EPHA7: variants seen among roughly 807,000 people sequenced by gnomAD.
EPHA7 encodes the protein EPH receptor A7, also known as ephrin type-A receptor 7.
In EPHA7, 25 loss-of-function variants were observed where a neutral mutation model predicts 112.6. The ratio of observed to expected loss-of-function variants is 0.22; its 90% CI spans 0.16 to 0.31. The LOEUF (loss-of-function observed/expected upper bound fraction) is 0.31, where lower values mean the gene tolerates loss of function less well. Ranked by LOEUF, EPHA7 falls within the 10% of genes least tolerant of loss-of-function variation. The pLI is 1.00. For synonymous variants in EPHA7, 437 were observed against 406.5 expected, an observed-to-expected ratio of 1.07 and a Z score of -0.90; for missense variants, 962 against 1,212.6, an observed-to-expected ratio of 0.79 and a Z score of 3.07.
At position 93,419,549 on chromosome 6, in the gene EPHA7, G is replaced by C. The variant is rs1399807613; in HGVS notation, c.-208C>G. The C allele has an allele frequency of 2.0e-6, 1 of 502,790 alleles. No individual in the cohort carries two copies. Among genetic ancestry groups the C allele is most frequent in the Admixed American group, 3.9e-5 (1 of 25,800 alleles). The allele number at this position is 502,790 out of a possible 1,614,324, so 31.1% of individuals were successfully genotyped here. On this transcript the variant is annotated 5_prime_UTR_variant, in exon 1 of 17. Coordinates refer to ENST00000369303, the MANE Select transcript of EPHA7 (RefSeq NM_004440.4). ...CCGTGTTTGCTGCCTGCAAGTCTCC[G>C]ACTGCAGACCGGCCGCTTGCTCCAC...
intron 3 of EPHA7, among the ~76,000 whole-genome samples, chr6:93,374,720 C>T (rs1350258497): frequency 6.6e-6 from 1 of 152,176 alleles, no homozygotes; most frequent in African/African-American, 2.4e-5. Context: ...AGTTCAAGTG[C>T]TAGAACCATC....
chr6:93,285,394 T>C (rs1488818693), intron 5 of EPHA7, among the ~76,000 whole-genome samples: 2 of 152,202 alleles, frequency 1.3e-5, no homozygotes, highest in Non-Finnish European at 2.9e-5. Context: ...CTCCAAAAGT[T>C]AATTTGTAAT....
chr6:93,376,031 G>C (rs1454345128), intron 3 of EPHA7, among the ~76,000 whole-genome samples: 2 of 152,130 alleles, frequency 1.3e-5, no homozygotes, highest in Non-Finnish European at 2.9e-5. Flanking sequence ...GGTGGGGGTT[G>C]GTCATCTCAT....
chr6:93,309,595 T>A (rs927293118), intron 5 of EPHA7, among the ~76,000 whole-genome samples: 1 of 152,158 alleles, frequency 6.6e-6, no homozygotes, highest in African/African-American at 2.4e-5. Context: ...ACATATGCTA[T>A]TGAAATAAAT....
intron 7 of EPHA7, among the ~76,000 whole-genome samples, chr6:93,269,091 A>C (rs1291005388): frequency 6.6e-6 from 1 of 151,766 alleles, no homozygotes; most frequent in Non-Finnish European, 1.5e-5. Context: ...CTCACTACAC[A>C]TTCTGGCTTC....
At chr6:93,301,957 A>G (rs889675370) in intron 5 of EPHA7, among the ~76,000 whole-genome samples, 5 of 150,926 alleles carry the variant, frequency 3.3e-5, no homozygotes, top group African/African-American at 1.2e-4. Flanking sequence ...AACGTTCCCT[A>G]TCCTTTCTTG....
intron 3 of EPHA7, among the ~76,000 whole-genome samples, chr6:93,404,653 AGAGG>A (rs1318703122): frequency 3.5e-5 from 5 of 144,860 alleles, no homozygotes; most frequent in African/African-American, 1.2e-4. Context: ...ATGTTTAGAG[AGAGG>A]GAGAGAGAGA....
chr6:93,411,203 C>T, intron 2 of EPHA7, 33 bp from the exon 3 acceptor site: 1 of 1,557,552 alleles, frequency 6.4e-7, no homozygotes, highest in Non-Finnish European at 8.7e-7. Flanking sequence ...ATCAGTCATT[C>T]AGCAAAAAAT....
At chr6:93,409,928 C>T (rs963541232) in intron 3 of EPHA7, 2 of 141,406 alleles carry the variant, frequency 1.4e-5, no homozygotes, top group East Asian at 4.1e-4. Context: ...AAAAAAAACA[C>T]ACACCTTTCT....
chr6:93,401,537 AT>A (rs112601287), intron 3 of EPHA7, among the ~76,000 whole-genome samples: 1,539 of 152,206 alleles, frequency 0.01, 22 homozygotes, highest in African/African-American at 0.034. Flanking sequence ...AACAAAAAAA[AT>A]AACATCTATA....
rs1039784456 is a variant in EPHA7, at chr6:93,267,391, C to T, written c.1633+2086G>A. On this transcript the variant is annotated intron_variant, in intron 7 of 16. Transcript: ENST00000369303. ...ACAGAGACCCAGCTCATCCAAACTC[C>T]TATAACCGGACATGGCAGAGCAGAG... Among the ~76,000 whole-genome samples the T allele has an allele frequency of 2.0e-5, 3 of 151,694 alleles. No individual in the cohort carries two copies. In the South Asian group the frequency reaches 6.2e-4, roughly 31 times the overall value.
intron 3 of EPHA7, among the ~76,000 whole-genome samples, chr6:93,389,453 C>A (rs145730335): frequency 6.6e-6 from 1 of 151,880 alleles, no homozygotes; most frequent in African/African-American, 2.4e-5. Flanking sequence ...TCTGTCTATT[C>A]GTCTGGAAGA....
intron 7 of EPHA7, among the ~76,000 whole-genome samples, chr6:93,267,955 CTT>C (rs527481099): frequency 4.0e-3 from 604 of 151,662 alleles, no homozygotes; most frequent in African/African-American, 0.014. Context: ...TTTGAAGTAT[CTT>C]ATTATATCTG....
rs142474896 is a variant in EPHA7 at position 93,349,840 on chromosome 6, G to A, written c.1324+6877C>T. Among the ~76,000 whole-genome samples the A allele has an allele frequency of 7.5e-3, 1,140 of 151,908 alleles. 8 individuals carry two copies. The highest frequency in any genetic ancestry group is 0.02 in the Middle Eastern group (6 of 294). Reference sequence around the variant, plus strand: ...AAATCATTGAAAAGAGACGATCTACGTTAATTTATGAGAAAACAGTCACAG... The same window carrying A: ...AAATCATTGAAAAGAGACGATCTACATTAATTTATGAGAAAACAGTCACAG... On this transcript the variant is annotated intron_variant, in intron 5 of 16. Coordinates refer to ENST00000369303, the MANE Select transcript of EPHA7 (RefSeq NM_004440.4).
intron 3 of EPHA7, among the ~76,000 whole-genome samples, chr6:93,394,195 C>T (rs1269217909): frequency 6.6e-6 from 1 of 151,810 alleles, no homozygotes; most frequent in Admixed American, 6.6e-5. Context: ...TGTTATCGTA[C>T]TACTTCAAAA....
intron 3 of EPHA7, among the ~76,000 whole-genome samples, chr6:93,385,211 C>T (rs1777540734): frequency 2.0e-5 from 3 of 151,976 alleles, no homozygotes; most frequent in Admixed American, 2.0e-4. Flanking sequence ...TAACTGATTG[C>T]AAATGTATAA....
intron 3 of EPHA7, among the ~76,000 whole-genome samples, chr6:93,381,799 T>C (rs914836870): frequency 3.3e-5 from 5 of 151,984 alleles, no homozygotes; most frequent in African/African-American, 4.8e-5. Flanking sequence ...GAGAGAGAAA[T>C]TGATGGCATT....
At chr6:93,382,908 C>G (rs191784613) in intron 3 of EPHA7, among the ~76,000 whole-genome samples, 3 of 152,292 alleles carry the variant, frequency 2.0e-5, no homozygotes, top group Admixed American at 1.3e-4. Flanking sequence ...CTAAGAAAAA[C>G]TACTTGACTT....
intron 14 of EPHA7, 39 bp from the exon 15 acceptor site, chr6:93,247,024 G>T: frequency 6.7e-7 from 1 of 1,498,738 alleles, no homozygotes. Context: ...TACTGATTTA[G>T]GTTCAATTAT....
Sources: gnomAD v4.1 joint callset for allele counts (sites outside exome capture counted in the v4.1 genomes callset) on GRCh38, gnomAD v4.1.1 for gene constraint, MANE v1.5 for transcripts, NCBI Gene and HGNC (gene_info 2026-07-23, HGNC 2026-07-21) for gene names.